The following UBE2E2 variants were observed in gnomAD, a reference collection of about 807,000 sequenced individuals.
UBE2E2 encodes ubiquitin conjugating enzyme E2 E2, also known as ubiquitin-conjugating enzyme E2 E2.
In UBE2E2, 6 loss-of-function variants were observed where a neutral mutation model predicts 24.7. The ratio of observed to expected loss-of-function variants is 0.24; its 90% CI spans 0.13 to 0.48. The LOEUF is 0.48. Among genes scored for constraint, UBE2E2 ranks in the 20% least tolerant of loss-of-function variants. UBE2E2 has a pLI of 0.99. For missense variants in UBE2E2, 169 were observed against 245.0 expected (o/e 0.69, Z 2.07); for synonymous variants, 104 against 83.6 (o/e 1.24, Z -1.33).
intron 3 of UBE2E2, among the ~76,000 whole-genome samples, chr3:23,328,146 C>G (rs184080866): frequency 6.6e-6 from 1 of 151,434 alleles, no homozygotes; most frequent in South Asian, 2.1e-4. Context: ...GGATAATTTG[C>G]GACAATAAAA....
chr3:23,548,454 T>G (rs1695571080), intron 5 of UBE2E2, among the ~76,000 whole-genome samples: 1 of 152,158 alleles, frequency 6.6e-6, no homozygotes, highest in East Asian at 1.9e-4. Context: ...TTGATTTGAC[T>G]CCACCTTCAA....
intron 5 of UBE2E2, among the ~76,000 whole-genome samples, chr3:23,564,072 TTGTG>T (rs888098624): frequency 6.6e-6 from 1 of 152,114 alleles, no homozygotes; most frequent in Non-Finnish European, 1.5e-5. Flanking sequence ...AACCATGTGT[TTGTG>T]TGTGAAGAAT....
chr3:23,254,774 A>G (rs944171681), intron 3 of UBE2E2, among the ~76,000 whole-genome samples: 3 of 152,142 alleles, frequency 2.0e-5, no homozygotes, highest in Admixed American at 6.6e-5. Flanking sequence ...GTTTTCAAAG[A>G]TAAGTAGAAA....
intron 3 of UBE2E2, among the ~76,000 whole-genome samples, chr3:23,237,729 G>A (rs936667398): frequency 6.6e-6 from 1 of 151,998 alleles, no homozygotes; most frequent in African/African-American, 2.4e-5. Flanking sequence ...ACAGGTAGGC[G>A]AATTGTAGAG....
At chr3:23,445,934 G>A (rs560574439) in intron 3 of UBE2E2, among the ~76,000 whole-genome samples, 1 of 152,048 alleles carries the variant, frequency 6.6e-6, no homozygotes, top group African/African-American at 2.4e-5. Context: ...TTCTCTTTTG[G>A]TGCTTGCCAG....
chr3:23,496,543 G>C (rs966822308), intron 3 of UBE2E2, among the ~76,000 whole-genome samples: 2 of 152,080 alleles, frequency 1.3e-5, no homozygotes, highest in African/African-American at 4.8e-5. Context: ...GTATCCTACT[G>C]TATAGATTCT....
chr3:23,575,916 T>G (rs1696336370), intron 5 of UBE2E2, among the ~76,000 whole-genome samples: 1 of 152,170 alleles, frequency 6.6e-6, no homozygotes, highest in African/African-American at 2.4e-5. Flanking sequence ...AAAACTAATG[T>G]GCTAAGTCAA....
chr3:23,344,450 C>T (rs1054048), intron 3 of UBE2E2, among the ~76,000 whole-genome samples: 6 of 151,942 alleles, frequency 3.9e-5, no homozygotes, highest in Non-Finnish European at 7.4e-5. Flanking sequence ...AGCAAACTAA[C>T]GCCTTTGAAT....
At chr3:23,455,436 G>T (rs1698657023) in intron 3 of UBE2E2, among the ~76,000 whole-genome samples, 1 of 152,074 alleles carries the variant, frequency 6.6e-6, no homozygotes, top group Admixed American at 6.6e-5. Context: ...TACATTATTG[G>T]GCTAAGCACA....
chr3:23,341,123 A>G (rs1424303758), intron 3 of UBE2E2, among the ~76,000 whole-genome samples: 1 of 152,176 alleles, frequency 6.6e-6, no homozygotes, highest in Non-Finnish European at 1.5e-5. Context: ...AAGTCTTGCT[A>G]ATAGCCTAAA....
intron 3 of UBE2E2, 45 bp from the exon 4 acceptor site, chr3:23,499,563 T>A: frequency 6.3e-7 from 1 of 1,578,360 alleles, no homozygotes; most frequent in Non-Finnish European, 8.6e-7. Context: ...AATTCCAGCC[T>A]TTATGTAATT....
At chr3:23,251,764 TA>T (rs1697579851) in intron 3 of UBE2E2, among the ~76,000 whole-genome samples, 1 of 152,214 alleles carries the variant, frequency 6.6e-6, no homozygotes, top group Non-Finnish European at 1.5e-5. Flanking sequence ...AAAATTATAA[TA>T]ATCTCTCTCG....
intron 3 of UBE2E2, among the ~76,000 whole-genome samples, chr3:23,442,089 A>G (rs556980378): frequency 1.3e-5 from 2 of 152,272 alleles, no homozygotes; most frequent in South Asian, 2.1e-4. Flanking sequence ...ACATGCTACA[A>G]AAATAAAATC....
chr3:23,238,019 G>A (rs995073151), intron 3 of UBE2E2, among the ~76,000 whole-genome samples: 1 of 152,038 alleles, frequency 6.6e-6, no homozygotes, highest in Non-Finnish European at 1.5e-5. Flanking sequence ...AGGACTCACA[G>A]GTTGACATTT....
At chr3:23,268,767 G>A (rs12638194) in intron 3 of UBE2E2, among the ~76,000 whole-genome samples, 42,351 of 141,708 alleles carry the variant, frequency 0.3, 6,745 homozygotes, top group African/African-American at 0.36. Context: ...CCAAAAGAAC[G>A]AAGCTGGAGG....
At chr3:23,435,319 G>A (rs891845529) in intron 3 of UBE2E2, among the ~76,000 whole-genome samples, 6 of 152,184 alleles carry the variant, frequency 3.9e-5, no homozygotes, top group Admixed American at 2.0e-4. Flanking sequence ...ACCGTAACCT[G>A]CAGAGTAAAT....
At chr3:23,313,386 CTTTTTTTT>C (rs34208918) in intron 3 of UBE2E2, among the ~76,000 whole-genome samples, 3 of 111,872 alleles carry the variant, frequency 2.7e-5, no homozygotes, top group Non-Finnish European at 5.1e-5. Context: ...ATCATTGGGT[CTTTTTTTT>C]TTTTTTTTTT....
intron 3 of UBE2E2, among the ~76,000 whole-genome samples, chr3:23,291,195 G>A (rs1220995868): frequency 6.6e-6 from 1 of 151,958 alleles, no homozygotes; most frequent in African/African-American, 2.4e-5. Context: ...CTTCTAGGTA[G>A]AACCATGCAC....
At chr3:23,394,173 T>C (rs1452063246) in intron 3 of UBE2E2, among the ~76,000 whole-genome samples, 1 of 152,216 alleles carries the variant, frequency 6.6e-6, no homozygotes, top group African/African-American at 2.4e-5. Flanking sequence ...TTCTGCCGTA[T>C]GTGGGCCTGC....
Sources: gnomAD v4.1 joint callset for allele counts (sites outside exome capture counted in the v4.1 genomes callset) on GRCh38, gnomAD v4.1.1 for gene constraint, MANE v1.5 for transcripts, NCBI Gene and HGNC (gene_info 2026-07-23, HGNC 2026-07-21) for gene names.